Variants in DCC observed in about 807,000 individuals in gnomAD.
DCC encodes netrin receptor DCC.
A neutral mutation model predicts 172.5 loss-of-function variants in DCC; 58 were observed. The ratio of observed to expected loss-of-function variants is 0.34; its 90% CI spans 0.27 to 0.42. The LOEUF is 0.42. DCC is among the 10% of genes least tolerant of loss of function. The pLI is 1.00. For missense variants in DCC, 1,740 were observed against 1,791.0 expected (o/e 0.97, Z 0.51); for synonymous variants, 709 against 644.5 (o/e 1.10, Z -1.52).
chr18:52,722,365 C>T (rs533289097), intron 1 of DCC, among the ~76,000 whole-genome samples: 108 of 152,274 alleles, frequency 7.1e-4, no homozygotes, highest in African/African-American at 2.5e-3. Flanking sequence ...TCCTACCTTT[C>T]ACCATTCACC....
chr18:52,533,365 G>C (rs79531983), intron 1 of DCC, among the ~76,000 whole-genome samples: 7,350 of 152,160 alleles, frequency 0.048, 224 homozygotes, highest in Non-Finnish European at 0.059. Flanking sequence ...ACATCATAAA[G>C]ATCCTTGTGT....
chr18:53,474,988 C>G (rs4442897), intron 25 of DCC, among the ~76,000 whole-genome samples: 151,461 of 152,360 alleles, frequency 0.99, 75,285 homozygotes, highest in East Asian at 1. Context: ...TGAGGAACTT[C>G]TTGGGAACTG....
At chr18:53,261,531 C>T (rs1389065911) in intron 12 of DCC, among the ~76,000 whole-genome samples, 4 of 152,056 alleles carry the variant, frequency 2.6e-5, no homozygotes, top group Admixed American at 2.6e-4. Flanking sequence ...ACTGTTCCTG[C>T]TTGTTTTGAG....
intron 10 of DCC, 72 bp from the exon 11 acceptor site, chr18:53,207,606 AT>A: frequency 1.4e-6 from 2 of 1,379,804 alleles, no homozygotes; most frequent in Non-Finnish European, 2.1e-6. Context: ...CAATTCACTG[AT>A]TGCACAGAAT....
At chr18:53,144,427 A>G (rs139463603) in intron 7 of DCC, among the ~76,000 whole-genome samples, 220 of 152,314 alleles carry the variant, frequency 1.4e-3, no homozygotes, top group Non-Finnish European at 2.4e-3. Flanking sequence ...AGGCCTGGCA[A>G]TCATGATGGA....
intron 3 of DCC, among the ~76,000 whole-genome samples, chr18:52,910,482 ACATTGTGCTAAAG>A (rs1353671709): frequency 6.6e-6 from 1 of 152,148 alleles, no homozygotes; most frequent in African/African-American, 2.4e-5. Context: ...AATCAGTAAT[ACATTGTGCTAAAG>A]CATTTTTTAA....
chr18:52,682,777 T>C (rs1299984082), intron 1 of DCC, among the ~76,000 whole-genome samples: 2 of 151,988 alleles, frequency 1.3e-5, no homozygotes, highest in African/African-American at 4.8e-5. Context: ...GGTTACTAGT[T>C]TATAGAGAGT....
intron 1 of DCC, among the ~76,000 whole-genome samples, chr18:52,655,517 G>A (rs970013381): frequency 6.6e-6 from 1 of 152,042 alleles, no homozygotes; most frequent in African/African-American, 2.4e-5. Flanking sequence ...TCTTCTCTGA[G>A]CCATGGAAGG....
intron 1 of DCC, among the ~76,000 whole-genome samples, chr18:52,707,413 A>G (rs78106569): frequency 0.035 from 5,370 of 152,302 alleles, 144 homozygotes; most frequent in East Asian, 0.089. Context: ...GGATATTTGG[A>G]AAACTATATA....
At chr18:53,340,047 TACACACACACACACACACACAC>T (rs151131015) in intron 15 of DCC, 140 bp downstream of exon 15, 1 of 591,346 alleles carries the variant, frequency 1.7e-6, no homozygotes, top group Non-Finnish European at 3.0e-6. Flanking sequence ...ACTGTCTATC[TACACACACACACACACACACAC>T]ACACACATAC....
At chr18:52,914,104 A>G (rs938078683) in intron 3 of DCC, among the ~76,000 whole-genome samples, 1 of 152,112 alleles carries the variant, frequency 6.6e-6, no homozygotes, top group Non-Finnish European at 1.5e-5. Context: ...TTATGCATGT[A>G]TCTATACATC....
At chr18:53,514,505 C>A (rs1435312869) in intron 27 of DCC, among the ~76,000 whole-genome samples, 1 of 151,970 alleles carries the variant, frequency 6.6e-6, no homozygotes, top group African/African-American at 2.4e-5. Flanking sequence ...TTAATGAATA[C>A]AGGAGCTGGT....
chr18:52,826,261 A>G (rs1489342760), intron 2 of DCC, among the ~76,000 whole-genome samples: 1 of 152,146 alleles, frequency 6.6e-6, no homozygotes, highest in Non-Finnish European at 1.5e-5. Flanking sequence ...TTGAAGTGAG[A>G]ATGGCATTTG....
chr18:52,533,355 A>G (rs1162407964), intron 1 of DCC, among the ~76,000 whole-genome samples: 2 of 152,152 alleles, frequency 1.3e-5, no homozygotes, highest in Admixed American at 6.5e-5. Flanking sequence ...AAAAATTTCA[A>G]CATCATAAAG....
intron 26 of DCC, among the ~76,000 whole-genome samples, chr18:53,499,024 T>C (rs957097785): frequency 6.6e-6 from 1 of 152,180 alleles, no homozygotes; most frequent in African/African-American, 2.4e-5. Flanking sequence ...GCCCAGACAG[T>C]TCAAGCAATA....
intron 16 of DCC, 26 bp downstream of exon 16, chr18:53,386,164 T>C (rs768947111): frequency 7.1e-7 from 1 of 1,399,014 alleles, no homozygotes; most frequent in South Asian, 1.2e-5. Flanking sequence ...AATCTTCCTC[T>C]GACAAAGTAT....
At chr18:52,819,305 G>T (rs1441135050) in intron 2 of DCC, among the ~76,000 whole-genome samples, 2 of 152,098 alleles carry the variant, frequency 1.3e-5, no homozygotes, top group African/African-American at 4.8e-5. Context: ...TTCCGAGCTT[G>T]CAGGGAAAAA....
At chr18:52,950,790 T>G (rs2040628895) in intron 5 of DCC, among the ~76,000 whole-genome samples, 1 of 151,358 alleles carries the variant, frequency 6.6e-6, no homozygotes, top group African/African-American at 2.4e-5. Flanking sequence ...CTGGGCGTGG[T>G]GGCGGGCGCC....
Position 52,889,412 on chromosome 18 carries a change from C to T in DCC, c.413-16632C>T, listed in dbSNP as rs560491224. 5.9e-5 allele frequency among the ~76,000 whole-genome samples: 9 copies of T among 152,164 alleles called. No individual in the cohort carries two copies. The East Asian group carries it at 7.8e-4, about 13-fold the overall frequency. ...TAATTAATCAGCCAATAGCCATTGACCACATACTACTCTAAATGTGCTGTG... is the reference window on the plus strand; with the variant it reads ...TAATTAATCAGCCAATAGCCATTGATCACATACTACTCTAAATGTGCTGTG... On this transcript the variant is annotated intron_variant, in intron 2 of 28. Coordinates refer to ENST00000442544, the MANE Select transcript of DCC (RefSeq NM_005215.4).
Sources: gnomAD v4.1 joint callset for allele counts (sites outside exome capture counted in the v4.1 genomes callset) on GRCh38, gnomAD v4.1.1 for gene constraint, MANE v1.5 for transcripts, NCBI Gene and HGNC (gene_info 2026-07-23, HGNC 2026-07-21) for gene names.